Variants in FAM184A observed in about 807,000 individuals in gnomAD.
FAM184A encodes the protein protein FAM184A.
In FAM184A, 99 loss-of-function variants were observed where a neutral mutation model predicts 143.8. That is an observed-to-expected ratio of 0.69 (90% CI 0.58 to 0.81). The LOEUF (loss-of-function observed/expected upper bound fraction) is 0.81. Among genes scored for constraint, FAM184A ranks in the 40% least tolerant of loss-of-function variants. The pLI, the probability that FAM184A is intolerant of heterozygous loss-of-function variation, is 0.00. For synonymous variants in FAM184A, 427 were observed against 446.4 expected, an observed-to-expected ratio of 0.96 and a Z score of 0.55; for missense variants, 1,217 against 1,310.5, an observed-to-expected ratio of 0.93 and a Z score of 1.10.
chr6:118,971,193 G>A (rs748615062), intron 14 of FAM184A, among the ~76,000 whole-genome samples: 5 of 152,056 alleles, frequency 3.3e-5, no homozygotes, highest in African/African-American at 9.7e-5. Flanking sequence ...GACTACTTCC[G>A]TACCTCACAA....
upstream of FAM184A, among the ~76,000 whole-genome samples, chr6:119,080,836 T>TA (rs958206121): frequency 3.0e-4 from 45 of 151,386 alleles, no homozygotes; most frequent in Non-Finnish European, 4.3e-4. Flanking sequence ...CACATTGCTA[T>TA]AAAAAAAAAC....
At chr6:119,135,551 T>G (rs1428951636) in intron 1 of FAM184A, among the ~76,000 whole-genome samples, 1 of 152,198 alleles carries the variant, frequency 6.6e-6, no homozygotes, top group Non-Finnish European at 1.5e-5. Context: ...TTTCAGTGAG[T>G]GAATGAATGT....
At chr6:118,978,479 A>G (rs1220444553) in intron 11 of FAM184A, among the ~76,000 whole-genome samples, 2 of 152,196 alleles carry the variant, frequency 1.3e-5, no homozygotes, top group Non-Finnish European at 2.9e-5. Flanking sequence ...TTGCTCAGCA[A>G]TCTCTAGCAC....
chr6:119,123,417 A>G lies in FAM184A; in HGVS notation c.-202+25661T>C, dbSNP rs1789280561. ...AATACCAAAAAACAAACAAACAAAC[A>G]AAAACAAAAACAGTAGGGGCAGTGT... On this transcript the variant is annotated intron_variant, in intron 1 of 16. Coordinates refer to the FAM184A transcript ENST00000352896. Among the ~76,000 whole-genome samples, 3 of 151,848 alleles carry G rather than the reference A, an allele frequency of 2.0e-5. No individual in the cohort carries two copies. In the South Asian group the frequency reaches 6.3e-4, roughly 32 times the overall value.
At chr6:119,097,039 A>G (rs1388874425) in intron 1 of FAM184A, among the ~76,000 whole-genome samples, 2 of 152,126 alleles carry the variant, frequency 1.3e-5, no homozygotes, top group African/African-American at 2.4e-5. Context: ...CAGAGTAGAA[A>G]GTATGGGGGC....
Position 119,019,793 on chromosome 6 carries a change from C to T in FAM184A, c.1332+185G>A, listed in dbSNP as rs1381310972. Among the ~76,000 whole-genome samples the T allele has an allele frequency of 3.3e-5, 5 of 152,196 alleles. No homozygotes were observed. The South Asian group carries it at 8.3e-4, about 25-fold the overall frequency. ...TAGATTGTTACCCACATATTTTGAACATACATACAGCATAGGATAGTCTAG... is the reference window on the plus strand; with the variant it reads ...TAGATTGTTACCCACATATTTTGAATATACATACAGCATAGGATAGTCTAG... On this transcript the variant is annotated intron_variant, in intron 4 of 17. Transcript: ENST00000338891.
intron 1 of FAM184A, among the ~76,000 whole-genome samples, chr6:119,100,836 A>G (rs925147860): frequency 2.6e-5 from 4 of 151,694 alleles, no homozygotes; most frequent in African/African-American, 9.7e-5. Flanking sequence ...GCGGGCGCCT[A>G]TAGTCCCAGC....
rs146315931 is a variant in FAM184A, at chr6:119,146,853, A to C, written c.-202+2225T>G. On this transcript the variant is annotated intron_variant, in intron 1 of 16. Coordinates refer to the FAM184A transcript ENST00000352896. ...TGGTGCACAGATTGGAGCTCTTCCA[A>C]CTCTCCTTGAATTAAAAAGGAGTGC... Among the ~76,000 whole-genome samples, 1,396 of 151,738 alleles carry C rather than the reference A, an allele frequency of 9.2e-3. 16 individuals are homozygous for C. Among genetic ancestry groups the C allele is most frequent in the African/African-American group, 0.032 (1,339 of 41,310 alleles).
At chr6:119,138,570 C>A (rs1233973086) in intron 1 of FAM184A, among the ~76,000 whole-genome samples, 2 of 151,862 alleles carry the variant, frequency 1.3e-5, no homozygotes, top group Non-Finnish European at 2.9e-5. Context: ...CTCTGACACA[C>A]TCTCTCCTTC....
chr6:119,114,006 ATTG>A (rs1788997850), intron 1 of FAM184A, among the ~76,000 whole-genome samples: 1 of 152,130 alleles, frequency 6.6e-6, no homozygotes, highest in South Asian at 2.1e-4. Context: ...TTTTATTGTT[ATTG>A]TTGTTCATCT....
chr6:119,051,125 T>C (rs193203852), intron 1 of FAM184A, among the ~76,000 whole-genome samples: 5 of 149,560 alleles, frequency 3.3e-5, no homozygotes, highest in Admixed American at 1.3e-4. Flanking sequence ...AACTCACACA[T>C]GTACACCTGA....
At chr6:119,098,575 G>A (rs9374780) in intron 1 of FAM184A, among the ~76,000 whole-genome samples, 96,854 of 152,120 alleles carry the variant, frequency 0.64, 31,534 homozygotes, top group East Asian at 0.96. Flanking sequence ...AGCGTGTTAT[G>A]GGTCATAGGT....
intron 1 of FAM184A, among the ~76,000 whole-genome samples, chr6:119,055,423 G>T (rs977669269): frequency 1.1e-4 from 16 of 152,116 alleles, no homozygotes; most frequent in African/African-American, 3.9e-4. Flanking sequence ...TAGAATTGCT[G>T]GGTCATGTGG....
At chr6:119,107,671 G>A (rs112901036) in intron 1 of FAM184A, among the ~76,000 whole-genome samples, 6 of 151,870 alleles carry the variant, frequency 4.0e-5, no homozygotes, top group East Asian at 1.9e-4. Flanking sequence ...CCAGCTACTC[G>A]GGAGGCTGAG....
chr6:118,991,968 G>C (rs1330438998), intron 9 of FAM184A, among the ~76,000 whole-genome samples: 3 of 151,672 alleles, frequency 2.0e-5, no homozygotes, highest in Non-Finnish European at 4.4e-5. Context: ...GTTTCACCAT[G>C]TTAGCCAGGA....
intron 1 of FAM184A, among the ~76,000 whole-genome samples, chr6:119,026,412 C>T (rs7769562): frequency 0.019 from 2,867 of 152,128 alleles, 52 homozygotes; most frequent in African/African-American, 0.042. Flanking sequence ...GGGTCATATC[C>T]GCCCACCAAG....
rs906503967 is a variant in FAM184A at position 119,103,208 on chromosome 6, T to C, written c.-202+45870A>G. On this transcript the variant is annotated intron_variant, in intron 1 of 16. Coordinates refer to the FAM184A transcript ENST00000352896. Reference sequence around the variant, plus strand: ...GTGATGCCTGAAACTACTACATCCATCTTGTTACCAGTCAGAGTATGAAGC... The same window carrying C: ...GTGATGCCTGAAACTACTACATCCACCTTGTTACCAGTCAGAGTATGAAGC... Among the ~76,000 whole-genome samples the C allele has an allele frequency of 2.2e-4, 34 of 152,222 alleles. 1 individual carries two copies. The highest frequency in any genetic ancestry group is 8.0e-4 in the African/African-American group (33 of 41,458).
chr6:118,985,548 AC>A (rs1241363981), intron 9 of FAM184A, among the ~76,000 whole-genome samples: 1 of 152,086 alleles, frequency 6.6e-6, no homozygotes, highest in African/African-American at 2.4e-5. Flanking sequence ...TTCAGATATG[AC>A]CCATTCCTTT....
intron 1 of FAM184A, among the ~76,000 whole-genome samples, chr6:119,062,237 C>T (rs904460955): frequency 6.6e-6 from 1 of 152,120 alleles, no homozygotes; most frequent in Admixed American, 6.5e-5. Flanking sequence ...TCAAGAAGTA[C>T]CATGATTAAA....
Sources: allele counts gnomAD v4.1 joint callset (sites outside exome capture counted in the v4.1 genomes callset), GRCh38; gene constraint gnomAD v4.1.1; transcripts MANE v1.5; gene names NCBI Gene and HGNC (gene_info 2026-07-23, HGNC 2026-07-21).